The following SLMAP variants were observed in gnomAD, a reference collection of about 807,000 sequenced individuals.
SLMAP encodes the protein sarcolemmal membrane-associated protein.
A neutral mutation model predicts 128.8 loss-of-function variants in SLMAP; 44 were observed. The ratio of observed to expected loss-of-function variants is 0.34; its 90% CI spans 0.27 to 0.44. SLMAP has a LOEUF of 0.44. Among genes scored for constraint, SLMAP ranks in the 20% least tolerant of loss-of-function variants. The pLI is 1.00. For synonymous variants in SLMAP, 327 were observed against 348.8 expected, an observed-to-expected ratio of 0.94 and a Z score of 0.70; for missense variants, 787 against 985.3, an observed-to-expected ratio of 0.80 and a Z score of 2.69.
intron 2 of SLMAP, among the ~76,000 whole-genome samples, chr3:57,772,798 G>C (rs2081145397): frequency 6.6e-6 from 1 of 152,006 alleles, no homozygotes. Context: ...GCGCCACCAC[G>C]CCTGGCTAAT....
intron 20 of SLMAP, 83 bp downstream of exon 20, chr3:57,912,784 T>C: frequency 1.0e-6 from 1 of 997,282 alleles, no homozygotes; most frequent in Non-Finnish European, 1.4e-6. Flanking sequence ...ACATGCAGGC[T>C]TTTTTTTTCT....
rs763422531 is a variant in SLMAP at position 57,757,822 on chromosome 3, C to T, written c.171C>T (p.Leu57=). The T allele has an allele frequency of 1.9e-6, 3 of 1,614,176 alleles. No homozygotes were observed. Among genetic ancestry groups the T allele is most frequent in the South Asian group, 2.2e-5 (2 of 91,080 alleles). The part of the protein sequence containing the change: ...DCKVLSRNHA[L]VWFDHKTGKF... ...AAGTGCTATCAAGGAACCACGCTCT[C>T]GTCTGGTTTGATCACAAGACGGGCA... is the stretch of plus-strand genomic sequence containing the variant. Residue 57 remains leucine, a synonymous_variant, in exon 2 of 25, where the codon CTC becomes CTT. Coordinates refer to ENST00000671191, the MANE Select transcript of SLMAP (RefSeq NM_001377540.1).
intron 14 of SLMAP, among the ~76,000 whole-genome samples, chr3:57,872,465 A>T (rs1560352597): frequency 2.0e-5 from 3 of 151,764 alleles, no homozygotes. Context: ...CTAAAAATAC[A>T]AAAATTAGCT....
chr3:57,897,917 T>C (rs2096278384), intron 17 of SLMAP: 1 of 152,238 alleles, frequency 6.6e-6, no homozygotes, highest in Non-Finnish European at 1.5e-5. Flanking sequence ...GTCTCTTTTA[T>C]GTTGCCTTAT....
chr3:57,857,689 C>A, intron 6 of SLMAP, 44 bp from the exon 7 acceptor site: 1 of 1,274,712 alleles, frequency 7.8e-7, no homozygotes, highest in Non-Finnish European at 1.1e-6. Flanking sequence ...TCAAAAGAAT[C>A]ATGATGAGCT....
intron 6 of SLMAP, among the ~76,000 whole-genome samples, chr3:57,856,538 C>G (rs946009922): frequency 3.3e-5 from 5 of 152,146 alleles, no homozygotes; most frequent in African/African-American, 1.2e-4. Context: ...TTTTCCACCT[C>G]CACATCATAT....
chr3:57,816,267 C>G (rs755860205), intron 2 of SLMAP, among the ~76,000 whole-genome samples: 29 of 152,038 alleles, frequency 1.9e-4, no homozygotes, highest in African/African-American at 4.3e-4. Context: ...CCTCAGCCCC[C>G]CAAGCAGCTG....
chr3:57,904,330 G>A (rs2096472563), intron 17 of SLMAP, among the ~76,000 whole-genome samples: 1 of 152,130 alleles, frequency 6.6e-6, no homozygotes. Context: ...AGGCTGAGGT[G>A]TGAGAATCGC....
chr3:57,804,944 G>A (rs989856631), intron 2 of SLMAP, among the ~76,000 whole-genome samples: 8 of 152,054 alleles, frequency 5.3e-5, no homozygotes, highest in African/African-American at 1.9e-4. Flanking sequence ...GTCCCAGTAG[G>A]TTCTGCTAAT....
chr3:57,871,532 T>C (rs2095479265), intron 13 of SLMAP, 104 bp from the exon 14 acceptor site: 3 of 785,040 alleles, frequency 3.8e-6, no homozygotes, highest in Non-Finnish European at 6.6e-6. Flanking sequence ...TTTATTAGTC[T>C]TACTTAGTAC....
intron 19 of SLMAP, 120 bp downstream of exon 19, chr3:57,909,270 G>A (rs2096636858): frequency 1.5e-6 from 1 of 680,566 alleles, no homozygotes; most frequent in South Asian, 1.9e-5. Flanking sequence ...GGGAGGCCGA[G>A]AAGGGTGGAT....
At chr3:57,871,000 A>G (rs558494659) in intron 13 of SLMAP, among the ~76,000 whole-genome samples, 18 of 152,320 alleles carry the variant, frequency 1.2e-4, no homozygotes, top group Admixed American at 5.9e-4. Flanking sequence ...TGAAAAATAA[A>G]TTCTGTTTGA....
At chr3:57,843,775 C>CTTT (rs775541858) in intron 4 of SLMAP, among the ~76,000 whole-genome samples, 1,412 of 77,122 alleles carry the variant, frequency 0.018, 87 homozygotes, top group African/African-American at 0.047. Flanking sequence ...TCTTTTCTTT[C>CTTT]TTTTTTTTTT....
rs1314774389 is a variant in SLMAP at position 57,906,318 on chromosome 3, T to C, written c.1502-1566T>C. ...TTTTTTTCTTTTTTTTTCTTTTTTT[T>C]TTTTTTTTTTTTTTAGAGACACAGT... On this transcript the variant is annotated intron_variant, in intron 17 of 24. Transcript: ENST00000671191. Among the ~76,000 whole-genome samples, 41 of 120,190 alleles carry C rather than the reference T, an allele frequency of 3.4e-4. 1 individual carries two copies. The highest frequency in any genetic ancestry group is 5.4e-4 in the Non-Finnish European group (32 of 59,468). The allele number at this position is 120,190 out of a possible 152,430, so 78.8% of individuals were successfully genotyped here.
chr3:57,781,091 ATAAAT>A (rs1185095247), intron 2 of SLMAP, among the ~76,000 whole-genome samples: 1 of 152,000 alleles, frequency 6.6e-6, no homozygotes, highest in African/African-American at 2.4e-5. Context: ...AAAAATAAAA[ATAAAT>A]TAGCGAGGCA....
intron 3 of SLMAP, among the ~76,000 whole-genome samples, chr3:57,839,215 G>A (rs575529743): frequency 2.0e-5 from 3 of 151,358 alleles, no homozygotes; most frequent in Non-Finnish European, 4.4e-5. Flanking sequence ...CTGGGATTAG[G>A]GGTGTGAGCC....
intron 17 of SLMAP, among the ~76,000 whole-genome samples, chr3:57,906,310 C>CTTTTTTTTTT (rs999042505): frequency 0.013 from 589 of 46,786 alleles, 19 homozygotes; most frequent in Non-Finnish European, 0.015. Flanking sequence ...CTTTTTTTTT[C>CTTTTTTTTTT]TTTTTTTTTT....
intron 3 of SLMAP, among the ~76,000 whole-genome samples, chr3:57,836,302 A>G (rs1315911826): frequency 6.6e-6 from 1 of 152,102 alleles, no homozygotes; most frequent in African/African-American, 2.4e-5. Context: ...ATCACCCAGT[A>G]TGTAGGACAT....
At chr3:57,805,655 T>C (rs1262587257) in intron 2 of SLMAP, among the ~76,000 whole-genome samples, 2 of 152,190 alleles carry the variant, frequency 1.3e-5, no homozygotes, top group Non-Finnish European at 2.9e-5. Flanking sequence ...GAATGAAATA[T>C]CAGTTTGATC....
Sources: gnomAD v4.1 joint callset for allele counts (sites outside exome capture counted in the v4.1 genomes callset) on GRCh38, gnomAD v4.1.1 for gene constraint, MANE v1.5 for transcripts, NCBI Gene and HGNC (gene_info 2026-07-23, HGNC 2026-07-21) for gene names.